SPOCK1: variants seen among roughly 807,000 people sequenced by gnomAD.
SPOCK1 encodes SPARC (osteonectin), cwcv and kazal like domains proteoglycan 1, also known as testican-1.
In SPOCK1, 23 loss-of-function variants were observed where a neutral mutation model predicts 55.3. The ratio of observed to expected loss-of-function variants is 0.42; its 90% confidence interval spans 0.30 to 0.59. The LOEUF (loss-of-function observed/expected upper bound fraction) is 0.59, where lower values mean the gene tolerates loss of function less well. Ranked by LOEUF, SPOCK1 falls within the 20% of genes least tolerant of loss-of-function variation. The probability of loss-of-function intolerance (pLI) is 0.22; values close to 1 mark genes in which losing one functional copy is unlikely to be tolerated. For synonymous variants in SPOCK1, 226 were observed against 221.0 expected (o/e 1.02, Z -0.20); for missense variants, 499 against 552.5 (o/e 0.90, Z 0.97).
At chr5:137,404,187 A>G (rs1752044976) in intron 2 of SPOCK1, among the ~76,000 whole-genome samples, 1 of 152,160 alleles carries the variant, frequency 6.6e-6, no homozygotes. Context: ...ATAAACAAAG[A>G]AGATCAGGTA....
chr5:137,297,923 T>C (rs138122967), intron 2 of SPOCK1, among the ~76,000 whole-genome samples: 12 of 152,190 alleles, frequency 7.9e-5, no homozygotes, highest in Admixed American at 7.8e-4. Context: ...TTTCAAAATC[T>C]CATCAAGACA....
chr5:137,472,386 A>G (rs2149839911), intron 2 of SPOCK1, among the ~76,000 whole-genome samples: 1 of 152,320 alleles, frequency 6.6e-6, no homozygotes, highest in Non-Finnish European at 1.5e-5. Context: ...ACAAAAAAAA[A>G]AAAGCTCAGT....
chr5:137,470,924 T>C (rs749490216), intron 2 of SPOCK1, among the ~76,000 whole-genome samples: 21 of 152,154 alleles, frequency 1.4e-4, no homozygotes, highest in Non-Finnish European at 2.6e-4. Context: ...TTGGGCAACA[T>C]GGTTAGTGTC....
intron 3 of SPOCK1, among the ~76,000 whole-genome samples, chr5:137,256,718 A>T (rs1281982750): frequency 6.6e-6 from 1 of 152,134 alleles, no homozygotes; most frequent in East Asian, 1.9e-4. Flanking sequence ...ACTTCTGCTC[A>T]GGCAGTCTGT....
intron 2 of SPOCK1, among the ~76,000 whole-genome samples, chr5:137,336,379 C>G (rs574304407): frequency 6.6e-6 from 1 of 152,314 alleles, no homozygotes; most frequent in South Asian, 2.1e-4. Context: ...CTGTGGGCAG[C>G]ACAGCTGACC....
intron 3 of SPOCK1, among the ~76,000 whole-genome samples, chr5:137,202,827 A>G (rs2127077108): frequency 6.6e-6 from 1 of 152,364 alleles, no homozygotes; most frequent in South Asian, 2.1e-4. Context: ...AATAATCACT[A>G]GCATCCATAT....
At chr5:136,991,915 A>AG (rs945682802) in intron 7 of SPOCK1, among the ~76,000 whole-genome samples, 1 of 152,170 alleles carries the variant, frequency 6.6e-6, no homozygotes, top group African/African-American at 2.4e-5. Flanking sequence ...GGATGGGGAG[A>AG]GGGGACACCT....
intron 6 of SPOCK1, among the ~76,000 whole-genome samples, chr5:137,002,598 G>A (rs1485248184): frequency 2.6e-5 from 4 of 152,280 alleles, no homozygotes; most frequent in Non-Finnish European, 4.4e-5. Flanking sequence ...ACTTGAAATC[G>A]ATTAGCAGCA....
chr5:137,043,822 T>A (rs534872823), intron 6 of SPOCK1, among the ~76,000 whole-genome samples: 69 of 152,306 alleles, frequency 4.5e-4, no homozygotes, highest in African/African-American at 1.5e-3. Context: ...CAATGTGGTA[T>A]CCTGGATGAG....
At chr5:137,483,427 C>T (rs963761483) in intron 2 of SPOCK1, among the ~76,000 whole-genome samples, 4 of 152,198 alleles carry the variant, frequency 2.6e-5, no homozygotes, top group Non-Finnish European at 5.9e-5. Context: ...CAAGAGGAGC[C>T]ATATGCCCTA....
chr5:137,029,071 C>A (rs146777901), intron 6 of SPOCK1, among the ~76,000 whole-genome samples: 1 of 152,094 alleles, frequency 6.6e-6, no homozygotes, highest in Admixed American at 6.5e-5. Context: ...CTAACAAGCA[C>A]GAATTATAAT....
chr5:137,226,653 C>A (rs1428190241), intron 3 of SPOCK1, among the ~76,000 whole-genome samples: 2 of 152,180 alleles, frequency 1.3e-5, no homozygotes, highest in Non-Finnish European at 2.9e-5. Flanking sequence ...ACTCTCTACA[C>A]CCTAGGGAAC....
intron 6 of SPOCK1, among the ~76,000 whole-genome samples, chr5:137,052,188 T>TA (rs1561591747): frequency 1.3e-5 from 2 of 152,316 alleles, no homozygotes; most frequent in South Asian, 2.1e-4. Flanking sequence ...CTGGTTCCCT[T>TA]ATGATTGAGG....
At chr5:137,498,643 C>A in intron 1 of SPOCK1, 85 bp from the exon 2 acceptor site, 1 of 1,143,970 alleles carries the variant, frequency 8.7e-7, no homozygotes. Flanking sequence ...GCGCCCCAGC[C>A]CGGAGGCGGG....
chr5:137,247,714 C>T (rs1453801394), intron 3 of SPOCK1, among the ~76,000 whole-genome samples: 1 of 152,076 alleles, frequency 6.6e-6, no homozygotes, highest in Non-Finnish European at 1.5e-5. Flanking sequence ...AGGGCATGGC[C>T]CTGGAGTCTG....
chr5:137,040,810 G>T (rs1400162416), intron 6 of SPOCK1, among the ~76,000 whole-genome samples: 1 of 152,154 alleles, frequency 6.6e-6, no homozygotes, highest in Non-Finnish European at 1.5e-5. Context: ...CATGAGAGAT[G>T]ATGAGGCATA....
intron 2 of SPOCK1, among the ~76,000 whole-genome samples, chr5:137,277,407 C>A (rs954255587): frequency 3.3e-5 from 5 of 152,174 alleles, no homozygotes; most frequent in African/African-American, 1.2e-4. Flanking sequence ...TAGTGAGAAG[C>A]AGAACCAGGA....
intron 2 of SPOCK1, among the ~76,000 whole-genome samples, chr5:137,283,471 T>C (rs1205907793): frequency 1.3e-5 from 2 of 152,124 alleles, no homozygotes; most frequent in Non-Finnish European, 2.9e-5. Flanking sequence ...CCCAGCACTA[T>C]GGGAGGCCGA....
chr5:137,079,034 T>TC (rs1201407700), intron 5 of SPOCK1, among the ~76,000 whole-genome samples: 1 of 152,144 alleles, frequency 6.6e-6, no homozygotes, highest in Non-Finnish European at 1.5e-5. Flanking sequence ...CCACGCTTAC[T>TC]CCCCCTCGGT....
Sources: gnomAD v4.1 joint callset for allele counts (sites outside exome capture counted in the v4.1 genomes callset) on GRCh38, gnomAD v4.1.1 for gene constraint, MANE v1.5 for transcripts, NCBI Gene and HGNC (gene_info 2026-07-23, HGNC 2026-07-21) for gene names.